Variants in SLC9A5 observed in about 807,000 individuals in gnomAD.
The protein encoded by SLC9A5 is sodium/hydrogen exchanger 5.
SLC9A5 carries 52 observed loss-of-function variants against 91.7 expected under a neutral mutation model. The observed-to-expected ratio is 0.57, with a 90% CI of 0.45 to 0.71. SLC9A5 has a LOEUF of 0.71. Ranked by LOEUF, SLC9A5 falls within the 30% of genes least tolerant of loss-of-function variation. SLC9A5 has a pLI of 0.00. For synonymous variants in SLC9A5, 419 were observed against 474.5 expected (o/e 0.88, Z 1.52); for missense variants, 871 against 1,158.9 (o/e 0.75, Z 3.61).
At chr16:67,254,260 C>T (rs1443439158) in intron 2 of SLC9A5, among the ~76,000 whole-genome samples, 4 of 152,168 alleles carry the variant, frequency 2.6e-5, no homozygotes, top group Admixed American at 2.6e-4. Context: ...GTGTCACATC[C>T]CTTTGGCCGG....
At chr16:67,260,527 G>C (rs554146906) in intron 12 of SLC9A5, among the ~76,000 whole-genome samples, 62 of 152,278 alleles carry the variant, frequency 4.1e-4, no homozygotes, top group Non-Finnish European at 7.5e-4. Flanking sequence ...TTGAGAAGCT[G>C]GGACAGCCAG....
In SLC9A5 at chr16:67,255,738, C is replaced by G; in HGVS notation, c.734-15C>G. ...CCGGGCCAGGGGTCATGCTGACAAC[C>G]CACTCCTCCCCCAGCCTCCCTGTTT... On this transcript the variant is annotated splice_polypyrimidine_tract_variant and intron_variant, in intron 4 of 15. Coordinates refer to ENST00000299798, the MANE Select transcript of SLC9A5 (RefSeq NM_004594.3). The surrounding 1 kb of genome is among the most constrained non-coding windows in gnomAD (Gnocchi z 4.9). 3 of 1,550,546 alleles carry G rather than the reference C, an allele frequency of 1.9e-6. No homozygotes were observed. The highest frequency in any genetic ancestry group is 2.6e-6 in the Non-Finnish European group (3 of 1,146,372).
In SLC9A5 at chr16:67,249,005, A is replaced by T; in HGVS notation, c.-10A>T. ...TGCGGTGCCGGGAGGGCGGCTGGGC[A>T]GGCGGCAGGATGCTGCGCGCCGCCC... is the stretch of plus-strand genomic sequence containing the variant. On this transcript the variant is annotated 5_prime_UTR_variant, in exon 1 of 16. Coordinates refer to ENST00000299798, the MANE Select transcript of SLC9A5 (RefSeq NM_004594.3). 2 of 1,298,234 alleles carry T rather than the reference A, an allele frequency of 1.5e-6. No homozygotes were observed. Among genetic ancestry groups the T allele is most frequent in the Non-Finnish European group, 2.0e-6 (2 of 1,021,076 alleles). The allele number at this position is 1,298,234 out of a possible 1,614,324, so 80.4% of individuals were successfully genotyped here.
Position 67,257,518 on chromosome 16 carries a change from A to G in SLC9A5, c.1426-13A>G, listed in dbSNP as rs1378153587. ...GAGTCCTGATCCAGTCCCCCTACCCACCCCCCTTCTAGACTTTTGACCACA... is the reference window on the plus strand; with the variant it reads ...GAGTCCTGATCCAGTCCCCCTACCCGCCCCCCTTCTAGACTTTTGACCACA... On this transcript the variant is annotated splice_polypyrimidine_tract_variant and intron_variant, in intron 8 of 15. Transcript: ENST00000299798. The surrounding 1 kb of genome is among the most constrained non-coding windows in gnomAD (Gnocchi z 5.1). The G allele has an allele frequency of 2.5e-6, 4 of 1,610,438 alleles. No homozygotes were observed. The highest frequency in any genetic ancestry group is 3.4e-6 in the Non-Finnish European group (4 of 1,178,584).
At chr16:67,267,978 A>AATAAATACTT in intron 15 of SLC9A5, among the ~76,000 whole-genome samples, 1 of 152,258 alleles carries the variant, frequency 6.6e-6, no homozygotes, top group African/African-American at 2.4e-5. Flanking sequence ...TCACTTTATC[A>AATAAATACTT]ATAAATACTT....
At chr16:67,264,573 C>A in intron 13 of SLC9A5, 51 bp downstream of exon 13, 1 of 1,584,922 alleles carries the variant, frequency 6.3e-7, no homozygotes, top group Admixed American at 1.7e-5. Context: ...TGACAGCAAG[C>A]AGTTTTGAGC....
chr16:67,260,024 TTGTTG>T, intron 12 of SLC9A5, 78 bp downstream of exon 12: 2 of 1,542,376 alleles, frequency 1.3e-6, no homozygotes, highest in Non-Finnish European at 1.7e-6. Context: ...TGGCGCCAGC[TTGTTG>T]GAGAGCTGCA....
chr16:67,266,716 T>C (rs1368837602), intron 15 of SLC9A5, among the ~76,000 whole-genome samples: 1 of 151,830 alleles, frequency 6.6e-6, no homozygotes, highest in East Asian at 1.9e-4. Flanking sequence ...AATTTTCATA[T>C]TTTTAGTGGA....
chr16:67,271,159 C>G lies in SLC9A5; in HGVS notation c.2640C>G (p.Gly880=). The G allele has an allele frequency of 6.2e-7, 1 of 1,613,248 alleles. No individual in the cohort carries two copies. Among genetic ancestry groups the G allele is most frequent in the Non-Finnish European group, 8.5e-7 (1 of 1,180,042 alleles). Residue 880 remains glycine, a synonymous_variant, in exon 16 of 16, where the codon GGC becomes GGG. Transcript: ENST00000299798. The stretch of plus-strand genomic sequence containing the variant: ...AGGACCACACCCATCTCAGCCCAGG[C>G]ACCGCTACCTCCCACTGGTGCATCC... ...GHKDHTHLSP[G]TATSHWCIQF...
At position 67,248,979 on chromosome 16, in the gene SLC9A5, G is replaced by C. The variant is rs1214179850; in HGVS notation, c.-36G>C. ...CGGCGGCGACGCGGGGCCGGCGGCCGTGCGGTGCCGGGAGGGCGGCTGGGC... is the reference window on the plus strand; with the variant it reads ...CGGCGGCGACGCGGGGCCGGCGGCCCTGCGGTGCCGGGAGGGCGGCTGGGC... On this transcript the variant is annotated 5_prime_UTR_variant, in exon 1 of 16. Transcript: ENST00000299798. This position sits in a 1 kb window ranked among gnomAD's most constrained non-coding sequence, Gnocchi z 5.3. 4.2e-6 allele frequency: 5 copies of C among 1,183,516 alleles called. No homozygotes were observed. Among genetic ancestry groups the C allele is most frequent in the Non-Finnish European group, 5.2e-6 (5 of 956,544 alleles). The allele number at this position is 1,183,516 out of a possible 1,614,324, so 73.3% of individuals were successfully genotyped here.
chr16:67,270,832 G>A lies in SLC9A5; in HGVS notation c.2313G>A (p.Leu771=), dbSNP rs1323828641. ...ELPWKSGQGD[L]AVYVSSETTK... ...CCTGGAAGAGTGGGCAGGGGGACCT[G>A]GCAGTGTACGTGTCCTCGGAAACCA... Residue 771 remains leucine, a synonymous_variant, in exon 16 of 16, where the codon CTG becomes CTA. Transcript: ENST00000299798. The surrounding 1 kb of genome is among the most constrained non-coding windows in gnomAD (Gnocchi z 4.3). 10 of 1,614,140 alleles carry A rather than the reference G, an allele frequency of 6.2e-6. No individual in the cohort carries two copies. Among genetic ancestry groups the A allele is most frequent in the Non-Finnish European group, 4.2e-6 (5 of 1,180,022 alleles).
Position 67,256,411 on chromosome 16 carries a change from G to A in SLC9A5, c.912-58G>A. On this transcript the variant is annotated intron_variant, in intron 5 of 15. Coordinates refer to ENST00000299798, the MANE Select transcript of SLC9A5 (RefSeq NM_004594.3). The surrounding 1 kb of genome is among the most constrained non-coding windows in gnomAD (Gnocchi z 4.1). Reference sequence around the variant, plus strand: ...CCCTCCTGCAGTATGCTCAAACCCTGGAGGCTGAGCCCCCTGGAACCCTTC... The same window carrying A: ...CCCTCCTGCAGTATGCTCAAACCCTAGAGGCTGAGCCCCCTGGAACCCTTC... 1 of 1,230,600 alleles carries A rather than the reference G, an allele frequency of 8.1e-7. No individual in the cohort carries two copies. The highest frequency in any genetic ancestry group is 2.3e-5 in the East Asian group (1 of 43,134). 76.2% of individuals were successfully genotyped at this position (1,230,600 alleles called of 1,614,324 possible).
At chr16:67,269,057 TTC>T (rs1028587983) in intron 15 of SLC9A5, among the ~76,000 whole-genome samples, 7 of 152,018 alleles carry the variant, frequency 4.6e-5, no homozygotes, top group Admixed American at 3.9e-4. Flanking sequence ...CCTACAGTCT[TTC>T]TCTGTCTGGA....
chr16:67,257,088 T>C lies in SLC9A5; in HGVS notation c.1310T>C (p.Val437Ala). ...TACTTTGTAGCCACCACTATTGTAGTGGTCTTCTTCACAGTCATCGTGCAG... is the reference window on the plus strand; with the variant it reads ...TACTTTGTAGCCACCACTATTGTAGCGGTCTTCTTCACAGTCATCGTGCAG... ...KDYFVATTIV[V>A]VFFTVIVQGL... is the part of the protein sequence containing the mutation. Residue 437 changes from valine to alanine, a missense_variant, in exon 7 of 16, where the codon GTG becomes GCG. Val to Ala is a moderately conservative substitution (Grantham distance 64). Transcript: ENST00000299798. The surrounding 1 kb of genome is among the most constrained non-coding windows in gnomAD (Gnocchi z 5.1). 1 of 1,611,742 alleles carries C rather than the reference T, an allele frequency of 6.2e-7. No individual in the cohort carries two copies. Among genetic ancestry groups the C allele is most frequent in the Non-Finnish European group, 8.5e-7 (1 of 1,179,890 alleles).
chr16:67,259,897 C>T lies in SLC9A5; in HGVS notation c.1793C>T (p.Ala598Val). ...CGCAGCGGCCGGGATCGTGAGGATG[C>T]TGTGATGCATCATCTGCTCTGCGGA... Reference protein sequence around the residue: ...TVRSGRDREDAVMHHLLCGGL... With the variant: ...TVRSGRDREDVVMHHLLCGGL... Residue 598 changes from alanine to valine, a missense_variant, in exon 12 of 16, where the codon GCT becomes GTT. By Grantham distance (64) the Ala-to-Val change is moderately conservative. Transcript: ENST00000299798. 3.1e-6 allele frequency: 5 copies of T among 1,614,092 alleles called. No homozygotes were observed. Among genetic ancestry groups the T allele is most frequent in the Non-Finnish European group, 4.2e-6 (5 of 1,179,988 alleles).
chr16:67,253,898 A>C (rs2035219263), intron 2 of SLC9A5, among the ~76,000 whole-genome samples: 1 of 152,152 alleles, frequency 6.6e-6, no homozygotes, highest in Admixed American at 6.5e-5. Context: ...TAACCCAAGA[A>C]ATTCATTCAA....
intron 15 of SLC9A5, 80 bp downstream of exon 15, chr16:67,266,305 C>T: frequency 2.9e-6 from 4 of 1,374,866 alleles, no homozygotes; most frequent in Non-Finnish European, 3.9e-6. Flanking sequence ...CTACTCCAGA[C>T]AACTCCCTTT....
At chr16:67,264,974 A>G (rs2035651358) in intron 13 of SLC9A5, 66 bp from the exon 14 acceptor site, 2 of 1,529,978 alleles carry the variant, frequency 1.3e-6, no homozygotes, top group Admixed American at 3.3e-5. Context: ...TGTTGACCCC[A>G]CCAGATGACA....
At chr16:67,259,488 C>T (rs1324525575) in intron 10 of SLC9A5, 85 bp from the exon 11 acceptor site, 25 of 936,092 alleles carry the variant, frequency 2.7e-5, no homozygotes, top group Non-Finnish European at 3.6e-5. Context: ...ACTAAGTGTT[C>T]GTTATTATTA....
Sources: gnomAD v4.1 joint callset for allele counts (sites outside exome capture counted in the v4.1 genomes callset) on GRCh38, gnomAD v4.1.1 for gene constraint, Gnocchi (gnomAD v3.1) non-coding constraint, MANE v1.5 for transcripts, NCBI Gene and HGNC (gene_info 2026-07-23, HGNC 2026-07-21) for gene names.